Variants in GPC6 observed in about 807,000 individuals in gnomAD.
GPC6 encodes the protein glypican-6.
A neutral mutation model predicts 55.2 loss-of-function variants in GPC6; 14 were observed. The ratio of observed to expected loss-of-function variants is 0.25; its 90% CI spans 0.17 to 0.40. The LOEUF is 0.40. GPC6 is among the 10% of genes least tolerant of loss of function. The pLI is 1.00. For missense variants in GPC6, 641 were observed against 708.5 expected, an observed-to-expected ratio of 0.90 and a Z score of 1.08; for synonymous variants, 278 against 259.6, an observed-to-expected ratio of 1.07 and a Z score of -0.68.
intron 2 of GPC6, among the ~76,000 whole-genome samples, chr13:93,597,394 G>T (rs1269265115): frequency 6.6e-6 from 1 of 152,192 alleles, no homozygotes. Context: ...CACTGTAAAT[G>T]TCATAATACA....
intron 1 of GPC6, among the ~76,000 whole-genome samples, chr13:93,352,384 A>G (rs184694563): frequency 6.6e-6 from 1 of 152,304 alleles, no homozygotes; most frequent in East Asian, 1.9e-4. Context: ...GTTTAAGGTT[A>G]TGTTTAGATT....
chr13:94,011,238 A>G (rs1882234072), intron 3 of GPC6, among the ~76,000 whole-genome samples: 1 of 152,206 alleles, frequency 6.6e-6, no homozygotes, highest in South Asian at 2.1e-4. Context: ...TTAAGTAATT[A>G]CTGTAAGTAA....
chr13:93,289,030 C>G (rs748244985), intron 1 of GPC6, among the ~76,000 whole-genome samples: 4 of 152,032 alleles, frequency 2.6e-5, no homozygotes, highest in Admixed American at 6.6e-5. Context: ...GTGGGGAAGT[C>G]CTCATTTTGG....
intron 2 of GPC6, among the ~76,000 whole-genome samples, chr13:93,548,996 C>G (rs1874977968): frequency 6.6e-6 from 1 of 152,156 alleles, no homozygotes; most frequent in South Asian, 2.1e-4. Flanking sequence ...ATCTCAATTT[C>G]TGGCTCTCAT....
At chr13:93,317,164 G>A (rs563790460) in intron 1 of GPC6, among the ~76,000 whole-genome samples, 87 of 152,096 alleles carry the variant, frequency 5.7e-4, no homozygotes, top group South Asian at 2.5e-3. Context: ...GTGGTCCTGC[G>A]TTCAGAAATC....
intron 2 of GPC6, among the ~76,000 whole-genome samples, chr13:93,644,216 T>C (rs1184600976): frequency 1.3e-5 from 2 of 152,104 alleles, no homozygotes; most frequent in African/African-American, 4.8e-5. Context: ...TTTATACTGC[T>C]GTAAATTCGG....
chr13:93,765,335 G>A (rs945313093), intron 2 of GPC6, among the ~76,000 whole-genome samples: 2 of 37,154 alleles, frequency 5.4e-5, no homozygotes, highest in African/African-American at 2.1e-4. Context: ...AGAAATCTTT[G>A]TACTTATAAA....
intron 3 of GPC6, among the ~76,000 whole-genome samples, chr13:93,916,783 A>G (rs1877315602): frequency 6.9e-6 from 1 of 144,376 alleles, no homozygotes; most frequent in Admixed American, 6.8e-5. Flanking sequence ...TAAAACTGCA[A>G]TGAGGATTTC....
chr13:93,337,532 G>A (rs1428353716), intron 1 of GPC6, among the ~76,000 whole-genome samples: 2 of 151,996 alleles, frequency 1.3e-5, no homozygotes, highest in African/African-American at 2.4e-5. Context: ...TCAGAGGCAC[G>A]AGATATTCAA....
chr13:93,702,658 A>C (rs1457298926), intron 2 of GPC6, among the ~76,000 whole-genome samples: 1 of 151,988 alleles, frequency 6.6e-6, no homozygotes, highest in Non-Finnish European at 1.5e-5. Flanking sequence ...ATCAATTATC[A>C]TAGCTAGGTC....
intron 2 of GPC6, among the ~76,000 whole-genome samples, chr13:93,655,065 T>TG (rs11382475): frequency 0.84 from 120,041 of 143,166 alleles, 51,438 homozygotes; most frequent in Non-Finnish European, 0.93. Flanking sequence ...TTAGCCAGGA[T>TG]GTCTCGATCT....
intron 2 of GPC6, among the ~76,000 whole-genome samples, chr13:93,826,651 T>C (rs1887265879): frequency 1.3e-5 from 2 of 152,212 alleles, no homozygotes; most frequent in South Asian, 4.1e-4. Flanking sequence ...TTTTGCTGTG[T>C]GATGTAGACT....
At chr13:93,306,527 A>G (rs1878863053) in intron 1 of GPC6, among the ~76,000 whole-genome samples, 1 of 152,166 alleles carries the variant, frequency 6.6e-6, no homozygotes, top group African/African-American at 2.4e-5. Context: ...TATAATCACT[A>G]AATCTTAAAA....
At chr13:93,686,102 T>C (rs1423475143) in intron 2 of GPC6, among the ~76,000 whole-genome samples, 2 of 152,166 alleles carry the variant, frequency 1.3e-5, no homozygotes, top group Non-Finnish European at 2.9e-5. Context: ...TTTTGATAAG[T>C]CAGCATTTAT....
intron 2 of GPC6, among the ~76,000 whole-genome samples, chr13:93,546,287 C>G (rs988755227): frequency 4.6e-5 from 7 of 152,206 alleles, no homozygotes; most frequent in Admixed American, 3.9e-4. Flanking sequence ...TTTCTTCTCT[C>G]AGTTCAGTCA....
At chr13:93,660,619 T>G (rs1880882441) in intron 2 of GPC6, among the ~76,000 whole-genome samples, 1 of 152,238 alleles carries the variant, frequency 6.6e-6, no homozygotes, top group Admixed American at 6.5e-5. Flanking sequence ...TTTTGTAGTC[T>G]TTGCATACAA....
chr13:93,662,545 G>A (rs921343709), intron 2 of GPC6, among the ~76,000 whole-genome samples: 5 of 152,022 alleles, frequency 3.3e-5, no homozygotes, highest in Middle Eastern at 3.2e-3. Context: ...CAGGAGAATC[G>A]TTTGAACCCG....
intron 1 of GPC6, among the ~76,000 whole-genome samples, chr13:93,301,223 A>G (rs1490639585): frequency 1.3e-5 from 2 of 152,200 alleles, no homozygotes; most frequent in Admixed American, 6.5e-5. Flanking sequence ...CTCCACTTCA[A>G]AGTGCCTGGA....
chr13:94,350,804 G>C (rs543317291), intron 6 of GPC6, among the ~76,000 whole-genome samples: 1 of 152,262 alleles, frequency 6.6e-6, no homozygotes, highest in East Asian at 1.9e-4. Flanking sequence ...GATGGCATTA[G>C]GGCATCCTCC....
Sources: gnomAD v4.1 joint callset for allele counts (sites outside exome capture counted in the v4.1 genomes callset) on GRCh38, gnomAD v4.1.1 for gene constraint, MANE v1.5 for transcripts, NCBI Gene and HGNC (gene_info 2026-07-23, HGNC 2026-07-21) for gene names.